Variants in MICAL3 observed in about 807,000 individuals in gnomAD.
MICAL3 encodes [F-actin]-monooxygenase MICAL3.
In MICAL3, 62 loss-of-function variants were observed where a neutral mutation model predicts 207.4. That is an observed-to-expected ratio of 0.30 (90% CI 0.24 to 0.37). The LOEUF is 0.37. Ranked by LOEUF, MICAL3 falls within the 10% of genes least tolerant of loss-of-function variation. MICAL3 has a pLI of 1.00. For missense variants in MICAL3, 2,368 were observed against 2,635.6 expected (o/e 0.90, Z 2.22); for synonymous variants, 1,077 against 1,069.3 (o/e 1.01, Z -0.14).
At chr22:18,016,774 A>G (rs754509131) in intron 1 of MICAL3, among the ~76,000 whole-genome samples, 24 of 152,016 alleles carry the variant, frequency 1.6e-4, no homozygotes, top group Non-Finnish European at 2.1e-4. Flanking sequence ...CCCCGTCTCT[A>G]CTAAAAATAC....
chr22:18,006,810 G>A (rs1276514282), intron 1 of MICAL3, among the ~76,000 whole-genome samples: 5 of 152,162 alleles, frequency 3.3e-5, no homozygotes, highest in Non-Finnish European at 7.3e-5. Context: ...TCCAGCGTGG[G>A]CAACAAGAGC....
intron 26 of MICAL3, 124 bp from the exon 27 acceptor site, chr22:17,816,908 G>A: frequency 1.3e-6 from 1 of 748,238 alleles, no homozygotes; most frequent in Non-Finnish European, 2.2e-6. Context: ...TTAGTTTAAG[G>A]GATCCATCCC....
intron 1 of MICAL3, among the ~76,000 whole-genome samples, chr22:17,938,236 G>A (rs1933637797): frequency 6.6e-6 from 1 of 152,118 alleles, no homozygotes; most frequent in Non-Finnish European, 1.5e-5. Context: ...TCAAACTCAA[G>A]AGCGCCTCAC....
chr22:17,826,701 T>TGAGAAGAGAA (rs61346013), intron 22 of MICAL3, among the ~76,000 whole-genome samples: 2 of 151,684 alleles, frequency 1.3e-5, no homozygotes, highest in Non-Finnish European at 2.9e-5. Context: ...AGAATCAGGA[T>TGAGAAGAGAA]GAGAAGAGAA....
intron 1 of MICAL3, among the ~76,000 whole-genome samples, chr22:17,984,352 A>G (rs1469457417): frequency 6.6e-6 from 1 of 152,250 alleles, no homozygotes; most frequent in Non-Finnish European, 1.5e-5. Context: ...CATACCATAC[A>G]GTGTTTCACC....
intron 1 of MICAL3, among the ~76,000 whole-genome samples, chr22:17,917,431 T>A (rs1202267635): frequency 2.0e-5 from 3 of 152,316 alleles, no homozygotes; most frequent in African/African-American, 7.2e-5. Context: ...CAGAAAATTC[T>A]GTGTTCTACC....
At chr22:17,882,897 G>A (rs144069723) in intron 16 of MICAL3, among the ~76,000 whole-genome samples, 67 of 152,168 alleles carry the variant, frequency 4.4e-4, no homozygotes, top group African/African-American at 1.4e-3. Flanking sequence ...TGACCATACC[G>A]ACTCAGGTGA....
Position 17,885,896 on chromosome 22 carries a change from G to A in MICAL3, c.2223C>T (p.Ser741=), listed in dbSNP as rs757439619. 44 of 1,613,824 alleles carry A rather than the reference G, an allele frequency of 2.7e-5. No homozygotes were observed. Among genetic ancestry groups the A allele is most frequent in the Non-Finnish European group, 3.7e-5 (44 of 1,179,896 alleles). Residue 741 remains serine, a synonymous_variant, in exon 16 of 32, where the codon TCC becomes TCT. Coordinates refer to ENST00000441493, the MANE Select transcript of MICAL3 (RefSeq NM_015241.3). The stretch of plus-strand genomic sequence containing the variant: ...GGTTTACCTGTCTCCGTATGCCGAT[G>A]GACTGTGCGGGCGCATTCTCTTCAA... ...AKFEENAPAQ[S]IGIRRQGSMK...
At position 17,954,255 on chromosome 22, in the gene MICAL3, C is replaced by G. The variant is rs565640909; in HGVS notation, c.-74-47369G>C. 1.2e-4 allele frequency among the ~76,000 whole-genome samples: 19 copies of G among 152,298 alleles called. No individual in the cohort carries two copies. The South Asian group carries it at 3.9e-3, about 32-fold the overall frequency. On this transcript the variant is annotated intron_variant, in intron 1 of 31. Coordinates refer to ENST00000441493, the MANE Select transcript of MICAL3 (RefSeq NM_015241.3). ...TAAGGAAGCACCACTATGATAGGTG[C>G]AGGGACCATCGCATTGGGGACCTGT...
Position 17,817,725 on chromosome 22 carries a change from G to C in MICAL3, c.4936C>G (p.Arg1646Gly). ...GTGGGGCGTGTGGGGGAGTCAGGCCGGCGCTCCTTGCCCTGGGAGGGTGCT... is the reference window on the plus strand; with the variant it reads ...GTGGGGCGTGTGGGGGAGTCAGGCCCGCGCTCCTTGCCCTGGGAGGGTGCT... ...SSAPSQGKER[R>G]PDSPTRPTLR... is the part of the protein sequence containing the mutation. The change falls in exon 26 of 32, where the codon CGG becomes GGG. Residue 1646 changes from arginine (R) to glycine (G), a missense_variant. Physicochemically the swap from Arg to Gly is moderately radical, Grantham distance 125. Coordinates refer to ENST00000441493, the MANE Select transcript of MICAL3 (RefSeq NM_015241.3). The C allele has an allele frequency of 6.3e-7, 1 of 1,590,646 alleles. No individual in the cohort carries two copies. The highest frequency in any genetic ancestry group is 1.1e-5 in the South Asian group (1 of 87,838).
intron 1 of MICAL3, among the ~76,000 whole-genome samples, chr22:18,017,055 A>G (rs1924103532): frequency 6.6e-6 from 1 of 152,228 alleles, no homozygotes; most frequent in Non-Finnish European, 1.5e-5. Flanking sequence ...TAACTAATTT[A>G]CCACTAACTT....
At chr22:17,886,163 A>G (rs1929852368) in intron 15 of MICAL3, 112 bp from the exon 16 acceptor site, 2 of 1,157,554 alleles carry the variant, frequency 1.7e-6, no homozygotes, top group African/African-American at 1.5e-5. Context: ...GGACTGGCTC[A>G]GCTCTCAAGG....
At chr22:17,963,312 A>T (rs892365565) in intron 1 of MICAL3, among the ~76,000 whole-genome samples, 21 of 152,072 alleles carry the variant, frequency 1.4e-4, no homozygotes, top group African/African-American at 5.1e-4. Context: ...GGGTTTCAAC[A>T]TGTTGCCCAA....
chr22:17,824,043 C>T (rs996587788), intron 22 of MICAL3, among the ~76,000 whole-genome samples: 19 of 152,078 alleles, frequency 1.2e-4, no homozygotes, highest in African/African-American at 4.3e-4. Context: ...GAGGCAAAAC[C>T]CTCGACAACT....
intron 16 of MICAL3, chr22:17,872,752 C>T (rs747107095): frequency 1.2e-6 from 2 of 1,608,312 alleles, no homozygotes; most frequent in South Asian, 1.1e-5. Flanking sequence ...CTTACCAGTT[C>T]CTTCTTGTCT....
chr22:17,842,796 T>C (rs1334944541), intron 19 of MICAL3, among the ~76,000 whole-genome samples: 2 of 152,212 alleles, frequency 1.3e-5, no homozygotes, highest in African/African-American at 4.8e-5. Flanking sequence ...GTCCTTTGTG[T>C]GCACAGGGCG....
At position 17,964,303 on chromosome 22, in the gene MICAL3, C is replaced by T. The variant is rs541417691; in HGVS notation, c.-74-57417G>A. Among the ~76,000 whole-genome samples the T allele has an allele frequency of 6.7e-4, 102 of 152,350 alleles. 1 individual carries two copies. The highest frequency in any genetic ancestry group is 2.4e-3 in the African/African-American group (98 of 41,584). On this transcript the variant is annotated intron_variant, in intron 1 of 31. Transcript: ENST00000441493. ...CAGGCTCTTCCCTCACATCCCTCTC[C>T]TCACATTCTTACCTTATATGATTGA...
chr22:17,919,765 C>T (rs1048472335), intron 1 of MICAL3, among the ~76,000 whole-genome samples: 12 of 152,232 alleles, frequency 7.9e-5, no homozygotes, highest in Non-Finnish European at 1.0e-4. Flanking sequence ...GCAGGCCCCA[C>T]ACCCAGCTCA....
chr22:17,879,255 C>T (rs902531408), intron 16 of MICAL3: 6 of 1,097,212 alleles, frequency 5.5e-6, no homozygotes, highest in Non-Finnish European at 7.7e-6. Context: ...AGGGGGCCGT[C>T]CCCCATATCC....
Sources: gnomAD v4.1 joint callset for allele counts (sites outside exome capture counted in the v4.1 genomes callset) on GRCh38, gnomAD v4.1.1 for gene constraint, MANE v1.5 for transcripts, NCBI Gene and HGNC (gene_info 2026-07-23, HGNC 2026-07-21) for gene names.